ADGB: variants seen among roughly 807,000 people sequenced by gnomAD.
ADGB encodes androglobin.
Under a neutral mutation model 210.5 loss-of-function variants are expected in ADGB, and 172 were observed. The observed-to-expected ratio is 0.82, with a 90% confidence interval of 0.72 to 0.93. The LOEUF is 0.93. Ranked by LOEUF, ADGB falls within the 40% of genes least tolerant of loss-of-function variation. The probability of loss-of-function intolerance (pLI) is 0.00; values close to 1 mark genes in which losing one functional copy is unlikely to be tolerated. For missense variants in ADGB, 2,025 were observed against 1,964.8 expected, an observed-to-expected ratio of 1.03 and a Z score of -0.58; for synonymous variants, 658 against 662.7, an observed-to-expected ratio of 0.99 and a Z score of 0.11.
At chr6:146,689,067 A>C (rs1776268455) in intron 10 of ADGB, among the ~76,000 whole-genome samples, 1 of 152,122 alleles carries the variant, frequency 6.6e-6, no homozygotes, top group Admixed American at 6.6e-5. Flanking sequence ...AGTTTTAATA[A>C]AGCCTCTTTC....
intron 19 of ADGB, among the ~76,000 whole-genome samples, chr6:146,728,050 C>T (rs867909856): frequency 2.0e-5 from 3 of 152,152 alleles, no homozygotes; most frequent in Non-Finnish European, 2.9e-5. Context: ...GACCACCCAC[C>T]GTACACCAAC....
intron 10 of ADGB, 47 bp downstream of exon 10, chr6:146,685,875 G>GT: frequency 8.2e-7 from 1 of 1,226,308 alleles, no homozygotes; most frequent in Non-Finnish European, 1.1e-6. Context: ...TTGTGTGTGT[G>GT]GGTGCACGTG....
At chr6:146,608,690 G>T (rs1200805858) in intron 1 of ADGB, among the ~76,000 whole-genome samples, 1 of 152,122 alleles carries the variant, frequency 6.6e-6, no homozygotes, top group African/African-American at 2.4e-5. Flanking sequence ...GACTTTTAGA[G>T]ATCTTGGTTT....
intron 28 of ADGB, among the ~76,000 whole-genome samples, chr6:146,766,251 C>A (rs907842193): frequency 1.3e-5 from 2 of 151,728 alleles, no homozygotes; most frequent in African/African-American, 4.8e-5. Flanking sequence ...GGTAGAGAAA[C>A]CCTTTCTTTA....
chr6:146,741,126 T>G lies in ADGB; in HGVS notation c.3032T>G (p.Phe1011Cys). 1 of 1,518,966 alleles carries G rather than the reference T, an allele frequency of 6.6e-7. No individual in the cohort carries two copies. The highest frequency in any genetic ancestry group is 2.2e-5 in the Admixed American group (1 of 46,230). The allele number at this position is 1,518,966 out of a possible 1,614,324, so 94.1% of individuals were successfully genotyped here. A position where few individuals can be genotyped will look rare whatever the true frequency, so the allele number is the denominator to read the frequency against. ...NSWFIVFRET[F>C]LVHQDMILVP... ...TGCTTTTGTAATTACAGAGAAACATTTTTGGTTCATCAAGACATGATTTTG... is the reference window on the plus strand; with the variant it reads ...TGCTTTTGTAATTACAGAGAAACATGTTTGGTTCATCAAGACATGATTTTG... The change falls in exon 25 of 36, where the codon TTT becomes TGT. Residue 1011 changes from phenylalanine to cysteine, a missense_variant. Transcript: ENST00000397944.
intron 35 of ADGB, chr6:146,807,631 T>G (rs964794309): frequency 6.9e-7 from 1 of 1,449,882 alleles, no homozygotes; most frequent in Non-Finnish European, 9.2e-7. Flanking sequence ...GAGAAAAAAT[T>G]TATTTGTAAT....
chr6:146,811,204 A>G lies in ADGB; in HGVS notation c.4819-3828A>G, dbSNP rs187556701. Among the ~76,000 whole-genome samples, 4 of 152,218 alleles carry G rather than the reference A, an allele frequency of 2.6e-5. No individual in the cohort carries two copies. In the East Asian group the frequency reaches 7.7e-4, roughly 29 times the overall value. The stretch of plus-strand genomic sequence containing the variant: ...TTGAATGTTTCCATATTTTTCATTC[A>G]TCTCATATGCTCACACCAATATTTT... On this transcript the variant is annotated intron_variant, in intron 35 of 35. Coordinates refer to ENST00000397944, the MANE Select transcript of ADGB (RefSeq NM_024694.4).
intron 35 of ADGB, chr6:146,802,615 C>T (rs1778150809): frequency 3.4e-6 from 2 of 588,666 alleles, no homozygotes; most frequent in African/African-American, 3.8e-5. Context: ...GATATTTTTC[C>T]ACTTCAATGT....
rs1775743729 is a variant in ADGB at position 146,654,153 on chromosome 6, A to G, written c.349A>G (p.Asn117Asp). Residue 117 changes from asparagine to aspartate, a missense_variant, in exon 4 of 36, where the codon AAT (asparagine) becomes GAT (aspartate). Physicochemically the swap from Asn to Asp is conservative, Grantham distance 23. Coordinates refer to ENST00000397944, the MANE Select transcript of ADGB (RefSeq NM_024694.4). The stretch of plus-strand genomic sequence containing the variant: ...TTTTCAGACTCCAGTAGTTGTGAAA[A>G]ATGAAATCACGTTTGACTTATTTTC... ...LFSQTPVVVK[N>D]EITFDLFSAN... 1 of 1,541,940 alleles carries G rather than the reference A, an allele frequency of 6.5e-7. No individual in the cohort carries two copies. The highest frequency in any genetic ancestry group is 2.5e-5 in the East Asian group (1 of 40,686).
chr6:146,652,026 A>G (rs1775710407), intron 3 of ADGB, among the ~76,000 whole-genome samples: 1 of 152,182 alleles, frequency 6.6e-6, no homozygotes, highest in Non-Finnish European at 1.5e-5. Flanking sequence ...TATTTCTGAC[A>G]ACTAGAAATG....
chr6:146,662,994 C>A (rs1345688170), intron 5 of ADGB, among the ~76,000 whole-genome samples: 2 of 143,936 alleles, frequency 1.4e-5, no homozygotes, highest in Admixed American at 7.0e-5. Context: ...TAATATATAT[C>A]TTAATCTTAA....
chr6:146,724,711 A>C (rs1776869156), intron 18 of ADGB: 2 of 152,612 alleles, frequency 1.3e-5, no homozygotes, highest in South Asian at 4.1e-4. Flanking sequence ...TATAATACTT[A>C]GCAAAAACCT....
In ADGB at chr6:146,599,133, TC is replaced by T. The variant is rs1780514503; in HGVS notation, c.74+21del. On this transcript the variant is annotated intron_variant, in intron 1 of 35. Coordinates refer to ENST00000397944, the MANE Select transcript of ADGB (RefSeq NM_024694.4). ...CGAAAGAGTAAGGGACCTCTGCCTG[TC>T]CGTCCCTCCCCTGGCCTAGCCCCTC... 3 of 1,548,826 alleles carry T rather than the reference TC, an allele frequency of 1.9e-6. No individual in the cohort carries two copies. Among genetic ancestry groups the T allele is most frequent in the Non-Finnish European group, 2.6e-6 (3 of 1,144,344 alleles).
intron 3 of ADGB, among the ~76,000 whole-genome samples, chr6:146,651,378 C>A (rs1246445234): frequency 6.6e-6 from 1 of 152,126 alleles, no homozygotes; most frequent in Non-Finnish European, 1.5e-5. Context: ...CGCTCACTGC[C>A]CAGAGGCCAG....
At chr6:146,613,058 T>C (rs1336629337) in intron 1 of ADGB, among the ~76,000 whole-genome samples, 1 of 152,238 alleles carries the variant, frequency 6.6e-6, no homozygotes, top group Non-Finnish European at 1.5e-5. Context: ...TTAAACTTTG[T>C]TATAAGCCCC....
At chr6:146,626,225 T>C (rs1780970329) in intron 1 of ADGB, among the ~76,000 whole-genome samples, 1 of 152,048 alleles carries the variant, frequency 6.6e-6, no homozygotes, top group Admixed American at 6.6e-5. Flanking sequence ...GCTATTATCA[T>C]CATATATTTG....
intron 28 of ADGB, 61 bp downstream of exon 28, chr6:146,764,161 A>C: frequency 7.3e-7 from 1 of 1,378,106 alleles, no homozygotes; most frequent in Non-Finnish European, 9.8e-7. Context: ...AAACAAAACA[A>C]TCATTTCCCT....
At chr6:146,631,388 AAG>A (rs1206247654) in intron 1 of ADGB, among the ~76,000 whole-genome samples, 2 of 152,142 alleles carry the variant, frequency 1.3e-5, no homozygotes, top group Non-Finnish European at 2.9e-5. Flanking sequence ...ATTGAGCAGG[AAG>A]AGAGAGAGAA....
chr6:146,685,835 A>T lies in ADGB; in HGVS notation c.1311+7A>T, dbSNP rs1292873038. On this transcript the variant is annotated splice_region_variant and intron_variant, in intron 10 of 35. Transcript: ENST00000397944. ...CTTTTCATTAGAGAAGATGGTAAGCATTCAAGCTTAGGAAACAGTATTATT... is the reference window on the plus strand; with the variant it reads ...CTTTTCATTAGAGAAGATGGTAAGCTTTCAAGCTTAGGAAACAGTATTATT... 2 of 1,500,668 alleles carry T rather than the reference A, an allele frequency of 1.3e-6. No individual in the cohort carries two copies. Among genetic ancestry groups the T allele is most frequent in the East Asian group, 2.5e-5 (1 of 39,368 alleles). 93.0% of individuals were successfully genotyped at this position (1,500,668 alleles called of 1,614,324 possible).
Sources: gnomAD v4.1 joint callset for allele counts (sites outside exome capture counted in the v4.1 genomes callset) on GRCh38, gnomAD v4.1.1 for gene constraint, MANE v1.5 for transcripts, NCBI Gene and HGNC (gene_info 2026-07-23, HGNC 2026-07-21) for gene names.